GUCY1A2: variants seen among roughly 807,000 people sequenced by gnomAD.
The protein encoded by GUCY1A2 is guanylate cyclase 1 soluble subunit alpha 2, also known as guanylate cyclase soluble subunit alpha-2.
GUCY1A2 carries 27 observed loss-of-function variants against 63.5 expected under a neutral mutation model. The ratio of observed to expected loss-of-function variants is 0.43; its 90% CI spans 0.31 to 0.59. The LOEUF is 0.59. Among genes scored for constraint, GUCY1A2 ranks in the 20% least tolerant of loss-of-function variants. The pLI is 0.11. For missense variants in GUCY1A2, 768 were observed against 913.3 expected (o/e 0.84, Z 2.05); for synonymous variants, 364 against 343.5 (o/e 1.06, Z -0.66).
intron 6 of GUCY1A2, among the ~76,000 whole-genome samples, chr11:106,712,362 T>A (rs1028495417): frequency 1.3e-5 from 2 of 152,200 alleles, no homozygotes; most frequent in Admixed American, 1.3e-4. Context: ...TTGGAATTTT[T>A]AAAAATCTTC....
chr11:107,000,725 G>A (rs1200684847), intron 1 of GUCY1A2, among the ~76,000 whole-genome samples: 1 of 152,154 alleles, frequency 6.6e-6, no homozygotes, highest in African/African-American at 2.4e-5. Flanking sequence ...GGGTTTACAT[G>A]TGTAAATACT....
chr11:106,703,952 T>A (rs189932921), intron 7 of GUCY1A2, among the ~76,000 whole-genome samples: 24 of 152,218 alleles, frequency 1.6e-4, no homozygotes, highest in Admixed American at 1.6e-3. Context: ...GTACCTTAGC[T>A]TAAATTTGGG....
At chr11:106,733,845 A>C (rs1209992820) in intron 6 of GUCY1A2, among the ~76,000 whole-genome samples, 1 of 152,146 alleles carries the variant, frequency 6.6e-6, no homozygotes, top group Non-Finnish European at 1.5e-5. Context: ...TATCGAAGGC[A>C]ATCAGGGAAT....
chr11:106,942,338 ACTT>A (rs1860762685), intron 3 of GUCY1A2, among the ~76,000 whole-genome samples: 1 of 152,100 alleles, frequency 6.6e-6, no homozygotes, highest in African/African-American at 2.4e-5. Flanking sequence ...CTTCACTAAA[ACTT>A]CTTTCTATGC....
At chr11:106,905,533 A>T (rs1258302299) in intron 4 of GUCY1A2, among the ~76,000 whole-genome samples, 2 of 152,044 alleles carry the variant, frequency 1.3e-5, no homozygotes, top group Non-Finnish European at 2.9e-5. Context: ...CCTTCAACAC[A>T]TAACTTTTGG....
chr11:106,688,288 C>T (rs1227607908), intron 7 of GUCY1A2, among the ~76,000 whole-genome samples: 2 of 152,154 alleles, frequency 1.3e-5, no homozygotes, highest in East Asian at 3.9e-4. Context: ...TATCTGCTTG[C>T]TGATTTCTAG....
At chr11:106,800,459 T>C (rs1363845704) in intron 5 of GUCY1A2, among the ~76,000 whole-genome samples, 1 of 152,172 alleles carries the variant, frequency 6.6e-6, no homozygotes, top group African/African-American at 2.4e-5. Flanking sequence ...TGCGGCACTA[T>C]TCACAATAGC....
intron 4 of GUCY1A2, among the ~76,000 whole-genome samples, chr11:106,921,492 AT>A (rs1860443750): frequency 6.6e-6 from 1 of 152,146 alleles, no homozygotes; most frequent in Non-Finnish European, 1.5e-5. Context: ...TGTGCTTTAA[AT>A]AAATCTTTTA....
chr11:106,748,109 C>T (rs536801407), intron 6 of GUCY1A2, among the ~76,000 whole-genome samples: 2 of 152,116 alleles, frequency 1.3e-5, no homozygotes, highest in African/African-American at 4.8e-5. Flanking sequence ...TTAAAAAAAT[C>T]CATTTGATTT....
intron 1 of GUCY1A2, among the ~76,000 whole-genome samples, chr11:106,998,717 T>C (rs1861572706): frequency 6.6e-6 from 1 of 151,990 alleles, no homozygotes. Flanking sequence ...CTAAGCATTA[T>C]AAAACATAAG....
At chr11:106,751,461 C>T (rs1353371882) in intron 6 of GUCY1A2, among the ~76,000 whole-genome samples, 1 of 150,924 alleles carries the variant, frequency 6.6e-6, no homozygotes, top group African/African-American at 2.4e-5. Context: ...ATTCTCTTCT[C>T]TATTCCCTTA....
At chr11:106,920,079 T>C (rs1860422302) in intron 4 of GUCY1A2, among the ~76,000 whole-genome samples, 1 of 152,116 alleles carries the variant, frequency 6.6e-6, no homozygotes, top group Non-Finnish European at 1.5e-5. Flanking sequence ...TAATTACATT[T>C]GTTATAAAGC....
At chr11:106,699,861 A>G (rs927489676) in intron 7 of GUCY1A2, among the ~76,000 whole-genome samples, 10 of 151,414 alleles carry the variant, frequency 6.6e-5, no homozygotes, top group Middle Eastern at 3.2e-3. Context: ...GGCTCACTGC[A>G]AGCTCCGCCT....
intron 7 of GUCY1A2, among the ~76,000 whole-genome samples, chr11:106,696,468 G>T (rs1862721413): frequency 6.6e-6 from 1 of 152,066 alleles, no homozygotes; most frequent in South Asian, 2.1e-4. Context: ...TAAAGAAGTG[G>T]AAAGAAGAAA....
intron 4 of GUCY1A2, among the ~76,000 whole-genome samples, chr11:106,865,639 T>G (rs2129737): frequency 1.1e-4 from 16 of 151,916 alleles, no homozygotes; most frequent in African/African-American, 3.4e-4. Flanking sequence ...ATCACACACC[T>G]TGCCTGTCAG....
chr11:106,860,887 C>A (rs1859502034), intron 4 of GUCY1A2, among the ~76,000 whole-genome samples: 5 of 151,942 alleles, frequency 3.3e-5, no homozygotes, highest in Non-Finnish European at 7.4e-5. Context: ...CCATCCCAAC[C>A]CTCATTTCAG....
intron 4 of GUCY1A2, among the ~76,000 whole-genome samples, chr11:106,814,275 A>G (rs1431648147): frequency 6.6e-6 from 1 of 152,048 alleles, no homozygotes. Flanking sequence ...GGTCTTTCAG[A>G]TCCCTGCAAT....
Position 106,940,125 on chromosome 11 carries a change from A to T in GUCY1A2, c.541T>A (p.Cys181Ser). Residue 181 changes from cysteine (C) to serine (S), a missense_variant, in exon 4 of 8, where the codon TGC becomes AGC. Around this residue, in one of 3 missense-constraint regions of GUCY1A2, gnomAD observed 496 missense variants for 486.9 expected, o/e 1.02. Transcript: ENST00000526355. ...KRFGEEFFNI[C>S]FHENERVLRA... ...AGGACTCTCTCATTCTCATGAAAGC[A>T]TATATTAAAGAACTCTTCACCAAAT... is the stretch of plus-strand genomic sequence containing the variant. 6.2e-7 allele frequency: 1 copy of T among 1,611,392 alleles called. No homozygotes were observed. Among genetic ancestry groups the T allele is most frequent in the Non-Finnish European group, 8.5e-7 (1 of 1,178,106 alleles).
intron 6 of GUCY1A2, among the ~76,000 whole-genome samples, chr11:106,742,351 C>T (rs1245956883): frequency 6.6e-6 from 1 of 152,152 alleles, no homozygotes; most frequent in African/African-American, 2.4e-5. Context: ...ACTCACTACC[C>T]ACTGAAGGGC....
Sources: gnomAD v4.1 joint callset for allele counts (sites outside exome capture counted in the v4.1 genomes callset) on GRCh38, gnomAD v4.1.1 for gene constraint, gnomAD v4.1.1 regional missense constraint, MANE v1.5 for transcripts, NCBI Gene and HGNC (gene_info 2026-07-23, HGNC 2026-07-21) for gene names.